MRAP: variants seen among roughly 807,000 people sequenced by gnomAD.
The protein encoded by MRAP is melanocortin 2 receptor accessory protein, also known as melanocortin-2 receptor accessory protein.
MRAP carries 8 observed loss-of-function variants against 8.7 expected under a neutral mutation model. The ratio of observed to expected loss-of-function variants is 0.92; its 90% CI spans 0.54 to 1.66. The LOEUF is 1.66. Among genes scored for constraint, MRAP ranks in the 40% most tolerant of loss-of-function variants. MRAP has a pLI of 0.00. For missense variants in MRAP, 237 were observed against 217.1 expected (o/e 1.09, Z -0.58); for synonymous variants, 95 against 95.5 (o/e 1.00, Z 0.03).
chr21:32,310,518 T>C (rs2032534133), intron 2 of MRAP, among the ~76,000 whole-genome samples: 1 of 152,234 alleles, frequency 6.6e-6, no homozygotes, highest in African/African-American at 2.4e-5. Flanking sequence ...TGAGCCAATA[T>C]TGTCCCATTT....
chr21:32,314,739 A>G (rs938005918), downstream of MRAP: 4 of 1,476,278 alleles, frequency 2.7e-6, no homozygotes, highest in African/African-American at 4.2e-5. Flanking sequence ...CGAGTTTATC[A>G]TTTACTGGGC....
At chr21:32,292,112 T>G (rs2032059742) in intron 1 of MRAP, among the ~76,000 whole-genome samples, 1 of 151,544 alleles carries the variant, frequency 6.6e-6, no homozygotes, top group African/African-American at 2.4e-5. Context: ...GTTGATTCAA[T>G]TAAATAATAT....
chr21:32,303,511 T>C (rs2032335501), intron 1 of MRAP, among the ~76,000 whole-genome samples: 1 of 152,144 alleles, frequency 6.6e-6, no homozygotes, highest in African/African-American at 2.4e-5. Context: ...TGAGGACTAA[T>C]TCCCCTCATT....
chr21:32,312,889 A>C (rs2032613574), downstream of MRAP: 1 of 152,174 alleles, frequency 6.6e-6, no homozygotes, highest in Non-Finnish European at 1.5e-5. Flanking sequence ...TTTATATTTT[A>C]AGTCAGGTGA....
At chr21:32,312,496 C>T (rs568004663), downstream of MRAP, 64 of 231,076 alleles carry the variant, frequency 2.8e-4, 1 homozygote, top group South Asian at 4.6e-3. Context: ...ACCTGAGTTG[C>T]ACCTTCAACC....
chr21:32,294,055 T>C (rs1274430704), upstream of MRAP, among the ~76,000 whole-genome samples: 1 of 152,040 alleles, frequency 6.6e-6, no homozygotes, highest in African/African-American at 2.4e-5. Context: ...AACTGGAAAA[T>C]GTAGGAAGGT....
upstream of MRAP, chr21:32,298,702 C>G (rs2032187252): frequency 9.4e-6 from 4 of 426,652 alleles, no homozygotes; most frequent in South Asian, 8.5e-5. Context: ...GAAAGCCGTT[C>G]TCCTGCCTCT....
chr21:32,300,471 C>T (rs1403280897), intron 1 of MRAP, among the ~76,000 whole-genome samples: 1 of 150,774 alleles, frequency 6.6e-6, no homozygotes, highest in East Asian at 2.0e-4. Context: ...CGTCTTATGT[C>T]AGGGGCGCCA....
chr21:32,304,508 G>A (rs374556226), intron 1 of MRAP, among the ~76,000 whole-genome samples: 19 of 152,032 alleles, frequency 1.2e-4, no homozygotes, highest in Middle Eastern at 6.8e-3. Flanking sequence ...CCAGCTACTC[G>A]GGAGGCTGAG....
At chr21:32,311,618 AG>A (rs2032574092) in intron 2 of MRAP, 65 bp from the exon 3 acceptor site, 1 of 1,562,394 alleles carries the variant, frequency 6.4e-7, no homozygotes, top group African/African-American at 1.4e-5. Flanking sequence ...GAAACCCCCC[AG>A]CCCCACAGTA....
At chr21:32,295,562 C>T (rs981678308), upstream of MRAP, among the ~76,000 whole-genome samples, 3 of 152,190 alleles carry the variant, frequency 2.0e-5, no homozygotes, top group African/African-American at 7.2e-5. Flanking sequence ...GCCCGACACT[C>T]CTGGTGTATG....
At chr21:32,310,501 A>G (rs2093058827) in intron 2 of MRAP, among the ~76,000 whole-genome samples, 1 of 152,168 alleles carries the variant, frequency 6.6e-6, no homozygotes, top group African/African-American at 2.4e-5. Flanking sequence ...CATCCTGAGG[A>G]TATCTGTGAG....
intron 1 of MRAP, among the ~76,000 whole-genome samples, chr21:32,292,417 T>G (rs2032065380): frequency 6.6e-6 from 1 of 152,216 alleles, no homozygotes; most frequent in Non-Finnish European, 1.5e-5. Context: ...AAATTTTGCA[T>G]GTACTCTGAT....
intron 2 of MRAP, among the ~76,000 whole-genome samples, chr21:32,310,041 ACTCTT>A (rs765738438): frequency 1.8e-4 from 28 of 151,952 alleles, no homozygotes; most frequent in Non-Finnish European, 3.5e-4. Context: ...TTTCTTTACT[ACTCTT>A]CTGAGATGAC....
At chr21:32,308,341 C>T (rs1167322701) in intron 2 of MRAP, among the ~76,000 whole-genome samples, 1 of 151,820 alleles carries the variant, frequency 6.6e-6, no homozygotes, top group African/African-American at 2.4e-5. Flanking sequence ...TGCACCACTG[C>T]ACTCCAGCCT....
At chr21:32,306,800 C>T in intron 2 of MRAP, 61 bp downstream of exon 2, 1 of 1,298,228 alleles carries the variant, frequency 7.7e-7, no homozygotes, top group South Asian at 1.2e-5. Context: ...AGTAACAGTG[C>T]AGGTTGAGTA....
At chr21:32,301,992 G>A (rs2032308104) in intron 1 of MRAP, among the ~76,000 whole-genome samples, 1 of 152,228 alleles carries the variant, frequency 6.6e-6, no homozygotes, top group Non-Finnish European at 1.5e-5. Flanking sequence ...GACATAAGTA[G>A]TGAAAGTAAT....
At chr21:32,300,193 C>T (rs1002476870) in intron 1 of MRAP, among the ~76,000 whole-genome samples, 43 of 152,186 alleles carry the variant, frequency 2.8e-4, no homozygotes, top group African/African-American at 1.0e-3. Context: ...TCGAGGCCAG[C>T]CTGGGCAACA....
chr21:32,298,205 G>A (rs578082227), upstream of MRAP, among the ~76,000 whole-genome samples: 27 of 152,274 alleles, frequency 1.8e-4, no homozygotes, highest in Non-Finnish European at 8.8e-5. Context: ...TCTGCGTCAC[G>A]TGTGGTATCA....
Sources: gnomAD v4.1 joint callset for allele counts (sites outside exome capture counted in the v4.1 genomes callset) on GRCh38, gnomAD v4.1.1 for gene constraint, MANE v1.5 for transcripts, NCBI Gene and HGNC (gene_info 2026-07-23, HGNC 2026-07-21) for gene names.